Variants in CAMTA1 observed in about 807,000 individuals in gnomAD.
CAMTA1 encodes calmodulin-binding transcription activator 1.
Under a neutral mutation model 170.9 loss-of-function variants are expected in CAMTA1, and 27 were observed. The observed-to-expected ratio is 0.16, with a 90% CI of 0.12 to 0.22. CAMTA1 has a LOEUF of 0.22. CAMTA1 is among the 10% of genes least tolerant of loss of function. The pLI is 1.00. For synonymous variants in CAMTA1, 833 were observed against 891.5 expected, an observed-to-expected ratio of 0.93 and a Z score of 1.17; for missense variants, 1,619 against 2,217.2, an observed-to-expected ratio of 0.73 and a Z score of 5.42.
In CAMTA1 at chr1:7,561,570, G is replaced by A. The variant is rs1019312322; in HGVS notation, c.511-78830G>A. Among the ~76,000 whole-genome samples the A allele has an allele frequency of 1.3e-5, 2 of 151,974 alleles. No individual in the cohort carries two copies. Among genetic ancestry groups the A allele is most frequent in the African/African-American group, 2.4e-5 (1 of 41,384 alleles). On this transcript the variant is annotated intron_variant, in intron 6 of 22. Transcript: ENST00000303635. The surrounding 1 kb of genome is among the most constrained non-coding windows in gnomAD (Gnocchi z 5.3). ...TCGTTGCAGGCGCAGGGATGGGCTG[G>A]TTCAGGGAGGAGGGGAGACTGTGGG...
chr1:7,410,068 T>A (rs2090603037), intron 5 of CAMTA1, among the ~76,000 whole-genome samples: 1 of 152,208 alleles, frequency 6.6e-6, no homozygotes. Flanking sequence ...GAGCAAAGGA[T>A]GTGGCTGGAG....
rs552746666 is a variant in CAMTA1, at chr1:7,475,767, A to T, written c.510+7866A>T. Reference sequence around the variant, plus strand: ...AACAGGGCAGGGGTGAGTTCGTCCCAGTGTTTCATAGAAGAAGAAACTGAG... The same window carrying T: ...AACAGGGCAGGGGTGAGTTCGTCCCTGTGTTTCATAGAAGAAGAAACTGAG... On this transcript the variant is annotated intron_variant, in intron 6 of 22. Coordinates refer to ENST00000303635, the MANE Select transcript of CAMTA1 (RefSeq NM_015215.4). Among the ~76,000 whole-genome samples, 603 of 152,316 alleles carry T rather than the reference A, an allele frequency of 4.0e-3. 4 individuals are homozygous for T. The highest frequency in any genetic ancestry group is 0.014 in the Middle Eastern group (4 of 294).
intron 6 of CAMTA1, among the ~76,000 whole-genome samples, chr1:7,510,603 G>A (rs376934701): frequency 6.8e-6 from 1 of 146,788 alleles, no homozygotes; most frequent in African/African-American, 2.4e-5. Flanking sequence ...AGGTTCCAGA[G>A]TCCATCAACA....
At chr1:7,691,581 A>C (rs1388060177) in intron 11 of CAMTA1, among the ~76,000 whole-genome samples, 5 of 152,148 alleles carry the variant, frequency 3.3e-5, no homozygotes, top group Non-Finnish European at 7.4e-5. Context: ...AGATGGCATC[A>C]GGAGGTCTTG....
intron 3 of CAMTA1, among the ~76,000 whole-genome samples, chr1:7,029,971 C>T (rs1702569604): frequency 6.6e-6 from 1 of 152,174 alleles, no homozygotes; most frequent in Admixed American, 6.5e-5. Flanking sequence ...ATTGGATTCT[C>T]ATATCTGCTT....
chr1:7,420,579 C>T (rs760441533), intron 5 of CAMTA1, among the ~76,000 whole-genome samples: 6 of 151,024 alleles, frequency 4.0e-5, no homozygotes, highest in Admixed American at 1.3e-4. Context: ...CTCTTCCCAC[C>T]GAGCCCCCAC....
At chr1:7,188,179 T>C (rs1396661285) in intron 4 of CAMTA1, among the ~76,000 whole-genome samples, 3 of 152,088 alleles carry the variant, frequency 2.0e-5, no homozygotes, top group South Asian at 2.1e-4. Flanking sequence ...CATGATCCAA[T>C]CACCTCCCAC....
chr1:7,277,456 GGTGTGTGTGTGTGT>G (rs57970990), intron 5 of CAMTA1, among the ~76,000 whole-genome samples: 15 of 135,324 alleles, frequency 1.1e-4, no homozygotes, highest in Admixed American at 1.1e-3. Context: ...TCCAAGCAAT[GGTGTGTGTGTGTGT>G]GTGTGTGTGT....
chr1:7,738,374 A>G lies in CAMTA1; in HGVS notation c.4074A>G (p.Pro1358=). The G allele has an allele frequency of 6.2e-7, 1 of 1,614,212 alleles. No homozygotes were observed. Among genetic ancestry groups the G allele is most frequent in the South Asian group, 1.1e-5 (1 of 91,086 alleles). The change falls in exon 16 of 23, where the codon CCA becomes CCG. Residue 1358 remains proline, a synonymous_variant. Coordinates refer to ENST00000303635, the MANE Select transcript of CAMTA1 (RefSeq NM_015215.4). This position sits in a 1 kb window ranked among gnomAD's most constrained non-coding sequence, Gnocchi z 4.9. ...AAPSQVRPRE[P]MSVLMMANRE... is the part of the protein sequence containing the mutation. Reference sequence around the variant, plus strand: ...CTTCACAGGTGCGTCCACGGGAACCAATGAGTGTCCTGATGATGGCTAACA... The same window carrying G: ...CTTCACAGGTGCGTCCACGGGAACCGATGAGTGTCCTGATGATGGCTAACA...
At chr1:7,032,544 C>T (rs1702952497) in intron 3 of CAMTA1, among the ~76,000 whole-genome samples, 1 of 151,440 alleles carries the variant, frequency 6.6e-6, no homozygotes. Context: ...TGTTATAAAC[C>T]CTGTGATTTA....
chr1:7,313,608 A>C (rs1446972515), intron 5 of CAMTA1, among the ~76,000 whole-genome samples: 1 of 152,186 alleles, frequency 6.6e-6, no homozygotes, highest in Non-Finnish European at 1.5e-5. Context: ...TCTCCTTAGC[A>C]TTGGGGCAGG....
intron 11 of CAMTA1, among the ~76,000 whole-genome samples, chr1:7,687,192 AG>A (rs1230891629): frequency 6.6e-6 from 1 of 151,750 alleles, no homozygotes; most frequent in African/African-American, 2.4e-5. Flanking sequence ...GATCAAGCAC[AG>A]GCTACCCTGG....
At chr1:6,987,318 A>G (rs192572360) in intron 3 of CAMTA1, among the ~76,000 whole-genome samples, 2 of 152,244 alleles carry the variant, frequency 1.3e-5, no homozygotes, top group South Asian at 2.1e-4. Context: ...ATGTGCCACC[A>G]TGCCCGGCTG....
At chr1:7,557,983 C>T (rs1209021844) in intron 6 of CAMTA1, among the ~76,000 whole-genome samples, 3 of 152,144 alleles carry the variant, frequency 2.0e-5, no homozygotes, top group East Asian at 1.9e-4. Context: ...GTGTGGTGTC[C>T]GTGGGGCTTC....
chr1:7,660,068 A>C (rs991462922), intron 7 of CAMTA1, among the ~76,000 whole-genome samples: 1 of 152,144 alleles, frequency 6.6e-6, no homozygotes, highest in African/African-American at 2.4e-5. Flanking sequence ...TGTCTCTACA[A>C]ATAATTTTGT....
At chr1:7,343,410 G>T (rs2083986871) in intron 5 of CAMTA1, among the ~76,000 whole-genome samples, 1 of 152,180 alleles carries the variant, frequency 6.6e-6, no homozygotes, top group East Asian at 1.9e-4. Flanking sequence ...GCCATATTGG[G>T]CTGGAACCTC....
intron 6 of CAMTA1, among the ~76,000 whole-genome samples, chr1:7,533,881 T>G (rs2094519406): frequency 6.6e-6 from 1 of 151,884 alleles, no homozygotes; most frequent in African/African-American, 2.4e-5. Context: ...ACCACTGCAC[T>G]CTAGCCTGGA....
intron 5 of CAMTA1, among the ~76,000 whole-genome samples, chr1:7,257,929 G>A (rs1314695560): frequency 6.6e-6 from 1 of 152,212 alleles, no homozygotes; most frequent in African/African-American, 2.4e-5. Flanking sequence ...CATCATTGAT[G>A]TGGGGACCAT....
chr1:7,460,533 C>T (rs2093058410), intron 5 of CAMTA1, among the ~76,000 whole-genome samples: 1 of 152,116 alleles, frequency 6.6e-6, no homozygotes, highest in African/African-American at 2.4e-5. Flanking sequence ...CCACACGTTC[C>T]TTGGATGTCC....
Sources: allele counts gnomAD v4.1 joint callset (sites outside exome capture counted in the v4.1 genomes callset), GRCh38; gene constraint gnomAD v4.1.1; non-coding constraint Gnocchi (gnomAD v3.1); transcripts MANE v1.5; gene names NCBI Gene and HGNC (gene_info 2026-07-23, HGNC 2026-07-21).